The following TAFA5 variants were observed in gnomAD, a reference collection of about 807,000 sequenced individuals.
TAFA5 encodes chemokine-like protein TAFA-5.
A neutral mutation model predicts 15.3 loss-of-function variants in TAFA5; 6 were observed. The observed-to-expected ratio is 0.39, with a 90% CI of 0.21 to 0.77. TAFA5 has a LOEUF of 0.77. Ranked by LOEUF, TAFA5 falls within the 30% of genes least tolerant of loss-of-function variation. The pLI is 0.41. For missense variants in TAFA5, 161 were observed against 193.1 expected, an observed-to-expected ratio of 0.83 and a Z score of 0.98; for synonymous variants, 103 against 80.7, an observed-to-expected ratio of 1.28 and a Z score of -1.48.
intron 1 of TAFA5, among the ~76,000 whole-genome samples, chr22:48,555,088 C>T (rs1922987035): frequency 6.6e-6 from 1 of 152,232 alleles, no homozygotes; most frequent in Non-Finnish European, 1.5e-5. Flanking sequence ...ACTGCAGGGC[C>T]ACCCAGTCCT....
chr22:48,597,761 G>A (rs568148827), intron 1 of TAFA5, among the ~76,000 whole-genome samples: 7 of 152,358 alleles, frequency 4.6e-5, no homozygotes, highest in Non-Finnish European at 4.4e-5. Context: ...CTTCTCAGCC[G>A]ACTGGCTCCA....
At chr22:48,621,426 C>T (rs1458869557) in intron 1 of TAFA5, among the ~76,000 whole-genome samples, 1 of 151,892 alleles carries the variant, frequency 6.6e-6, no homozygotes, top group African/African-American at 2.4e-5. Flanking sequence ...GCAGATATGC[C>T]CAGGGCAGCA....
intron 2 of TAFA5, among the ~76,000 whole-genome samples, chr22:48,679,704 C>T (rs868317285): frequency 2.6e-5 from 3 of 114,960 alleles, no homozygotes; most frequent in Non-Finnish European, 3.5e-5. Context: ...CCCGTCTCCC[C>T]GTCCATCCCT....
At position 48,490,182 on chromosome 22, in the gene TAFA5, C is replaced by G. The variant is rs898083814; in HGVS notation, c.112+478C>G. Among the ~76,000 whole-genome samples, 1 of 152,146 alleles carries G rather than the reference C, an allele frequency of 6.6e-6. No homozygotes were observed. The highest frequency in any genetic ancestry group is 6.5e-5 in the Admixed American group (1 of 15,282). ...GGAGCTCTTCAGGCAGGAGCCCAGCCTGGGCTCGGAGGAGCAGCTGGAGCT... is the reference window on the plus strand; with the variant it reads ...GGAGCTCTTCAGGCAGGAGCCCAGCGTGGGCTCGGAGGAGCAGCTGGAGCT... On this transcript the variant is annotated intron_variant, in intron 1 of 3. Coordinates refer to ENST00000402357, the MANE Select transcript of TAFA5 (RefSeq NM_001082967.3). The surrounding 1 kb of genome is among the most constrained non-coding windows in gnomAD (Gnocchi z 5.8).
At chr22:48,638,506 C>T (rs1419494053) in intron 1 of TAFA5, among the ~76,000 whole-genome samples, 4 of 133,016 alleles carry the variant, frequency 3.0e-5, no homozygotes, top group Non-Finnish European at 6.5e-5. Flanking sequence ...AGCCCTGGGA[C>T]ACCACACACA....
At chr22:48,576,380 C>G (rs1923801258) in intron 1 of TAFA5, 3 of 1,218,228 alleles carry the variant, frequency 2.5e-6, no homozygotes, top group Non-Finnish European at 1.0e-6. Flanking sequence ...ATGGAGGGCG[C>G]GAGCGGGCGG....
chr22:48,626,596 C>T (rs555237679), intron 1 of TAFA5, among the ~76,000 whole-genome samples: 103 of 152,322 alleles, frequency 6.8e-4, no homozygotes, highest in African/African-American at 2.4e-3. Context: ...AATTCTTCAT[C>T]GCATTTGTGT....
At chr22:48,512,941 A>G (rs6007876) in intron 1 of TAFA5, among the ~76,000 whole-genome samples, 10 of 147,760 alleles carry the variant, frequency 6.8e-5, no homozygotes, top group Non-Finnish European at 1.2e-4. Flanking sequence ...AAAAAAAAAA[A>G]AAAGAGAGAG....
At chr22:48,667,096 C>T (rs1172374574) in intron 2 of TAFA5, among the ~76,000 whole-genome samples, 1 of 135,232 alleles carries the variant, frequency 7.4e-6, no homozygotes, top group Non-Finnish European at 1.6e-5. Context: ...GAGGTAGCAC[C>T]CCGACCCTCA....
intron 1 of TAFA5, among the ~76,000 whole-genome samples, chr22:48,614,457 G>A (rs548325754): frequency 1.3e-5 from 2 of 152,320 alleles, no homozygotes; most frequent in South Asian, 2.1e-4. Flanking sequence ...TGGTTTGCAC[G>A]ACACTTGCTG....
intron 3 of TAFA5, among the ~76,000 whole-genome samples, chr22:48,712,596 T>C (rs1929285816): frequency 6.6e-6 from 1 of 152,228 alleles, no homozygotes; most frequent in Non-Finnish European, 1.5e-5. Context: ...CTGTGGGGAC[T>C]GGAGAGAAAC....
chr22:48,684,306 G>T (rs147493259), intron 2 of TAFA5, among the ~76,000 whole-genome samples: 1 of 152,102 alleles, frequency 6.6e-6, no homozygotes, highest in Non-Finnish European at 1.5e-5. Flanking sequence ...GGAGGGCACT[G>T]TGTTGAGAGG....
intron 2 of TAFA5, among the ~76,000 whole-genome samples, chr22:48,655,792 C>T (rs1927215956): frequency 6.7e-6 from 1 of 149,734 alleles, no homozygotes; most frequent in East Asian, 2.0e-4. Context: ...TGGTTGAAGG[C>T]ACGGTCCTGC....
chr22:48,635,257 C>T (rs1457432292), intron 1 of TAFA5, among the ~76,000 whole-genome samples: 1 of 152,196 alleles, frequency 6.6e-6, no homozygotes, highest in Non-Finnish European at 1.5e-5. Context: ...TCGGGCAGCA[C>T]AGTGGGCAGG....
At chr22:48,583,262 ACACACAC>A (rs1388122968) in intron 1 of TAFA5, among the ~76,000 whole-genome samples, 16 of 149,280 alleles carry the variant, frequency 1.1e-4, no homozygotes, top group African/African-American at 2.2e-4. Context: ...CACACACTAT[ACACACAC>A]CACACACCAC....
intron 1 of TAFA5, among the ~76,000 whole-genome samples, chr22:48,578,078 T>G (rs1923883987): frequency 6.6e-6 from 1 of 152,254 alleles, no homozygotes; most frequent in East Asian, 1.9e-4. Context: ...GTCCCTGCTC[T>G]GCTGGGCCTG....
At chr22:48,648,010 CAG>C (rs1056411985) in intron 2 of TAFA5, among the ~76,000 whole-genome samples, 14 of 152,170 alleles carry the variant, frequency 9.2e-5, no homozygotes, top group African/African-American at 3.1e-4. Context: ...AAGATAGGGA[CAG>C]GGGCTGGGCA....
At chr22:48,704,403 C>T (rs2083136477) in intron 2 of TAFA5, among the ~76,000 whole-genome samples, 2 of 152,160 alleles carry the variant, frequency 1.3e-5, no homozygotes, top group Admixed American at 6.5e-5. Flanking sequence ...ATGGGAGACA[C>T]AGCTGCTGGT....
chr22:48,504,231 G>C (rs1009720547), intron 1 of TAFA5, among the ~76,000 whole-genome samples: 1 of 152,220 alleles, frequency 6.6e-6, no homozygotes, highest in Non-Finnish European at 1.5e-5. Context: ...AGATAACCCA[G>C]GGTGGCGTCC....
Sources: allele counts gnomAD v4.1 joint callset (sites outside exome capture counted in the v4.1 genomes callset), GRCh38; gene constraint gnomAD v4.1.1; non-coding constraint Gnocchi (gnomAD v3.1); transcripts MANE v1.5; gene names NCBI Gene and HGNC (gene_info 2026-07-23, HGNC 2026-07-21).